USH2A: variants seen among roughly 807,000 people sequenced by gnomAD.
USH2A encodes the protein Usher syndrome 2A (autosomal recessive, mild).
Under a neutral mutation model 538.9 loss-of-function variants are expected in USH2A, and 443 were observed. The ratio of observed to expected loss-of-function variants is 0.82; its 90% CI spans 0.76 to 0.89. The LOEUF (loss-of-function observed/expected upper bound fraction) is 0.89, where lower values mean the gene tolerates loss of function less well. Ranked by LOEUF, USH2A falls within the 40% of genes least tolerant of loss-of-function variation. The pLI is 0.00. For synonymous variants in USH2A, 2,413 were observed against 2,273.5 expected (o/e 1.06, Z -1.75); for missense variants, 6,633 against 6,324.8 (o/e 1.05, Z -1.65).
intron 35 of USH2A, among the ~76,000 whole-genome samples, chr1:215,989,528 G>A (rs1472191668): frequency 1.3e-5 from 2 of 152,096 alleles, no homozygotes; most frequent in African/African-American, 4.8e-5. Context: ...AACCTAGTAG[G>A]TCATCAAAAT....
chr1:216,071,553 C>T (rs1285003609), intron 29 of USH2A, among the ~76,000 whole-genome samples: 1 of 152,154 alleles, frequency 6.6e-6, no homozygotes, highest in African/African-American at 2.4e-5. Flanking sequence ...TGTAGCTGCT[C>T]AGTGTTGTGG....
At chr1:216,385,165 A>C (rs914107617) in intron 3 of USH2A, among the ~76,000 whole-genome samples, 1 of 152,172 alleles carries the variant, frequency 6.6e-6, no homozygotes, top group African/African-American at 2.4e-5. Flanking sequence ...ATCTCTTTCC[A>C]ATATGAGGTA....
At chr1:215,908,896 A>G (rs184815140) in intron 38 of USH2A, among the ~76,000 whole-genome samples, 87 of 151,434 alleles carry the variant, frequency 5.7e-4, no homozygotes, top group African/African-American at 2.0e-3. Context: ...CATTGAATTT[A>G]TACTACCATC....
intron 38 of USH2A, among the ~76,000 whole-genome samples, chr1:215,922,125 A>T (rs1043393310): frequency 6.6e-6 from 1 of 152,140 alleles, no homozygotes; most frequent in Admixed American, 6.6e-5. Flanking sequence ...GTACAGATGT[A>T]GCCACAAGAG....
chr1:216,239,166 T>A (rs1437058616), intron 13 of USH2A, among the ~76,000 whole-genome samples: 1 of 150,654 alleles, frequency 6.6e-6, no homozygotes, highest in Admixed American at 6.6e-5. Context: ...AAATAAAAAA[T>A]AAAAAAATGT....
chr1:216,211,735 A>T (rs530056232), intron 15 of USH2A, among the ~76,000 whole-genome samples: 1 of 152,350 alleles, frequency 6.6e-6, no homozygotes, highest in East Asian at 1.9e-4. Context: ...ATGACACATG[A>T]GAAAAGAATT....
intron 43 of USH2A, 97 bp from the exon 44 acceptor site, chr1:215,867,267 C>T (rs1664499532): frequency 7.6e-7 from 1 of 1,308,488 alleles, no homozygotes; most frequent in African/African-American, 1.5e-5. Flanking sequence ...ACAGGATTTC[C>T]TTCCACCCCT....
intron 21 of USH2A, among the ~76,000 whole-genome samples, chr1:216,097,938 T>C (rs1347799951): frequency 1.3e-5 from 2 of 148,214 alleles, no homozygotes; most frequent in Non-Finnish European, 3.0e-5. Flanking sequence ...TGGCCCCATC[T>C]CCAGTCCTAT....
intron 30 of USH2A, among the ~76,000 whole-genome samples, chr1:216,052,407 G>T (rs1450397531): frequency 6.6e-6 from 1 of 151,548 alleles, no homozygotes; most frequent in Non-Finnish European, 1.5e-5. Context: ...CTGATGTTTT[G>T]GTTCTTGCCA....
intron 61 of USH2A, among the ~76,000 whole-genome samples, chr1:215,692,865 C>T (rs906182588): frequency 2.0e-5 from 3 of 151,962 alleles, no homozygotes; most frequent in Non-Finnish European, 2.9e-5. Context: ...GTTCTCCTCC[C>T]TTATGGTAAC....
chr1:216,198,548 A>G lies in USH2A; in HGVS notation c.3848T>C (p.Leu1283Pro), dbSNP rs1450080041. 6.2e-7 allele frequency: 1 copy of G among 1,613,754 alleles called. No homozygotes were observed. Among genetic ancestry groups the G allele is most frequent in the South Asian group, 1.1e-5 (1 of 91,072 alleles). The change falls in exon 18 of 72, where the codon CTG (leucine) becomes CCG (proline). Residue 1283 changes from leucine to proline, a missense_variant. Physicochemically the swap from Leu to Pro is moderately conservative, Grantham distance 98. Coordinates refer to ENST00000307340, the MANE Select transcript of USH2A (RefSeq NM_206933.4). ...IIRYELYMRR[L>P]RSTKETTSEE... ...AGATGTGGTTTCTTTAGTAGATCTCAGTCTTCTCATGTATAGTTCATATCT... is the reference window on the plus strand; with the variant it reads ...AGATGTGGTTTCTTTAGTAGATCTCGGTCTTCTCATGTATAGTTCATATCT...
At chr1:216,282,782 A>C (rs937225286) in intron 11 of USH2A, among the ~76,000 whole-genome samples, 3 of 152,302 alleles carry the variant, frequency 2.0e-5, no homozygotes, top group Non-Finnish European at 4.4e-5. Context: ...CAAAGATTAC[A>C]CTAAATCTGT....
At chr1:215,817,647 T>C (rs1052397794) in intron 47 of USH2A, among the ~76,000 whole-genome samples, 3 of 151,980 alleles carry the variant, frequency 2.0e-5, no homozygotes, top group Non-Finnish European at 2.9e-5. Context: ...TGGAGGTTCC[T>C]AGGAAATTTT....
In USH2A at chr1:215,766,715, A is replaced by G. The variant is rs777699434; in HGVS notation, c.11013T>C (p.Pro3671=). 1 of 1,613,688 alleles carries G rather than the reference A, an allele frequency of 6.2e-7. No individual in the cohort carries two copies. Among genetic ancestry groups the G allele is most frequent in the Non-Finnish European group, 8.5e-7 (1 of 1,179,656 alleles). The change falls in exon 56 of 72, where the codon CCT becomes CCC. Residue 3671 remains proline (P), a synonymous_variant. Transcript: ENST00000307340. ...CTGCCTGCAGTGTCTGACCTAGAAA[A>G]GGCTCGCTTGAAGTGCACCCAGCAG... ...CTSAGCTSSE[P]FLGQTLQAAP...
At chr1:216,077,434 CAAAG>C (rs992876557) in intron 27 of USH2A, among the ~76,000 whole-genome samples, 20 of 151,612 alleles carry the variant, frequency 1.3e-4, no homozygotes, top group Non-Finnish European at 2.5e-4. Context: ...GCATTTATGT[CAAAG>C]AAAGAAAAGG....
At position 215,640,702 on chromosome 1, in the gene USH2A, T is replaced by C. The variant is rs759844511; in HGVS notation, c.14824A>G (p.Ser4942Gly). ...PQYRAPFSVD[S>G]NLSVVCVNWS... is the part of the protein sequence containing the mutation. ...TTCACACACACCACAGACAAATTGC[T>C]GTCCACCGAAAATGGGGCTCGGTAC... is the stretch of plus-strand genomic sequence containing the variant. The change falls in exon 68 of 72, where the codon AGC (serine) becomes GGC (glycine). Residue 4942 changes from serine to glycine, a missense_variant. By Grantham distance (56) the Ser-to-Gly change is moderately conservative. Transcript: ENST00000307340. 67 of 1,613,736 alleles carry C rather than the reference T, an allele frequency of 4.2e-5. No individual in the cohort carries two copies. The Admixed American group carries it at 1.1e-3, about 25-fold the overall frequency.
intron 21 of USH2A, among the ~76,000 whole-genome samples, chr1:216,100,126 A>G (rs2032543154): frequency 2.0e-5 from 3 of 152,204 alleles, no homozygotes; most frequent in Admixed American, 1.3e-4. Flanking sequence ...AACACTTCCA[A>G]TAGGTCCAGA....
At position 216,305,176 on chromosome 1, in the gene USH2A, G is replaced by A. The variant is rs374570003; in HGVS notation, c.1645-12806C>T. ...TCATTTCTTAGGTTTAGTAGTAATT[G>A]TTTTCTAAATCTGGGAGCTCTGGAG... On this transcript the variant is annotated intron_variant, in intron 9 of 71. Coordinates refer to ENST00000307340, the MANE Select transcript of USH2A (RefSeq NM_206933.4). Among the ~76,000 whole-genome samples the A allele has an allele frequency of 5.7e-4, 86 of 152,030 alleles. 1 individual carries two copies. The highest frequency in any genetic ancestry group is 2.0e-3 in the African/African-American group (85 of 41,502).
chr1:215,628,790 C>T (rs776414409), intron 71 of USH2A, 24 bp downstream of exon 71: 3 of 1,611,794 alleles, frequency 1.9e-6, no homozygotes, highest in South Asian at 1.1e-5. Context: ...TTAGCAAAGG[C>T]CCTGTATGAG....
Sources: gnomAD v4.1 joint callset for allele counts (sites outside exome capture counted in the v4.1 genomes callset) on GRCh38, gnomAD v4.1.1 for gene constraint, MANE v1.5 for transcripts, NCBI Gene and HGNC (gene_info 2026-07-23, HGNC 2026-07-21) for gene names.